The following CNNM1 variants were observed in gnomAD, a reference collection of about 807,000 sequenced individuals.
CNNM1 encodes the protein cyclin and CBS domain divalent metal cation transport mediator 1.
A neutral mutation model predicts 78.8 loss-of-function variants in CNNM1; 44 were observed. The ratio of observed to expected loss-of-function variants is 0.56; its 90% CI spans 0.44 to 0.72. The LOEUF is 0.72. Ranked by LOEUF, CNNM1 falls within the 30% of genes least tolerant of loss-of-function variation. CNNM1 has a pLI of 0.00. For missense variants in CNNM1, 1,101 were observed against 1,292.2 expected (o/e 0.85, Z 2.27); for synonymous variants, 584 against 581.5 (o/e 1.00, Z -0.06).
chr10:99,331,438 T>A (rs1411846396), intron 1 of CNNM1, among the ~76,000 whole-genome samples: 1 of 152,218 alleles, frequency 6.6e-6, no homozygotes, highest in Non-Finnish European at 1.5e-5. Context: ...TGTTTCCTCA[T>A]ATAGAGCAGA....
chr10:99,370,464 C>T (rs2031762352), intron 6 of CNNM1, among the ~76,000 whole-genome samples: 1 of 152,198 alleles, frequency 6.6e-6, no homozygotes. Flanking sequence ...TAGAGCTAAT[C>T]ACTGTGCCTT....
chr10:99,346,185 C>T (rs994060459), intron 1 of CNNM1, among the ~76,000 whole-genome samples: 2 of 152,084 alleles, frequency 1.3e-5, no homozygotes, highest in African/African-American at 2.4e-5. Flanking sequence ...TGCAGTATTT[C>T]GGGGATCGTT....
Position 99,386,924 on chromosome 10 carries a change from G to A in CNNM1, c.2341-896G>A, listed in dbSNP as rs114543463. On this transcript the variant is annotated intron_variant, in intron 7 of 10. Transcript: ENST00000356713. ...GTGAAGGAGGGATGAAAACGCTTTA[G>A]GAGATGGTATGATTGGGAAGGATAT... is the stretch of plus-strand genomic sequence containing the variant. Among the ~76,000 whole-genome samples the A allele has an allele frequency of 9.7e-3, 1,476 of 152,298 alleles. 24 individuals carry two copies. The highest frequency in any genetic ancestry group is 0.033 in the African/African-American group (1,379 of 41,542).
At chr10:99,378,990 T>C (rs1438238869) in intron 7 of CNNM1, among the ~76,000 whole-genome samples, 1 of 152,238 alleles carries the variant, frequency 6.6e-6, no homozygotes, top group Non-Finnish European at 1.5e-5. Context: ...TAGAAAATCA[T>C]AGCCCACGAT....
At chr10:99,374,176 C>T (rs945563156) in intron 6 of CNNM1, among the ~76,000 whole-genome samples, 3 of 152,142 alleles carry the variant, frequency 2.0e-5, no homozygotes, top group African/African-American at 4.8e-5. Flanking sequence ...TGAAATGTAC[C>T]TTTTTCTGCC....
intron 7 of CNNM1, among the ~76,000 whole-genome samples, chr10:99,385,280 CCTCCT>C (rs2032275498): frequency 6.6e-6 from 1 of 152,174 alleles, no homozygotes; most frequent in South Asian, 2.1e-4. Context: ...CTTCTCTCTT[CCTCCT>C]CTCCTTTCTT....
intron 4 of CNNM1, among the ~76,000 whole-genome samples, chr10:99,363,295 C>T (rs1589905902): frequency 6.6e-6 from 1 of 152,284 alleles, no homozygotes; most frequent in South Asian, 2.1e-4. Flanking sequence ...ACAAAATGAC[C>T]TCTCTTCTCC....
At chr10:99,358,584 G>A (rs1437309085) in intron 2 of CNNM1, among the ~76,000 whole-genome samples, 5 of 152,176 alleles carry the variant, frequency 3.3e-5, no homozygotes, top group African/African-American at 1.2e-4. Flanking sequence ...AGTGCAGAAA[G>A]AGTGCCTTCC....
At chr10:99,388,429 T>C (rs1437174942) in intron 9 of CNNM1, 128 bp downstream of exon 9, 1 of 1,028,578 alleles carries the variant, frequency 9.7e-7, no homozygotes, top group East Asian at 2.6e-5. Context: ...TCCGACCTCC[T>C]TACACAGCCA....
intron 1 of CNNM1, among the ~76,000 whole-genome samples, chr10:99,351,004 G>A (rs528646234): frequency 2.0e-5 from 3 of 152,292 alleles, no homozygotes; most frequent in Middle Eastern, 3.4e-3. Flanking sequence ...CCCCTGGGGG[G>A]CAAAATCACC....
At chr10:99,389,513 C>T (rs1002879174) in intron 9 of CNNM1, among the ~76,000 whole-genome samples, 2 of 151,812 alleles carry the variant, frequency 1.3e-5, no homozygotes, top group Non-Finnish European at 2.9e-5. Flanking sequence ...AGTCACTGTT[C>T]CAGGACCTGA....
chr10:99,363,463 C>T lies in CNNM1; in HGVS notation c.2029-954C>T, dbSNP rs79663550. Among the ~76,000 whole-genome samples, 177 of 152,234 alleles carry T rather than the reference C, an allele frequency of 1.2e-3. 2 individuals carry two copies. Among genetic ancestry groups the T allele is most frequent in the African/African-American group, 4.1e-3 (170 of 41,522 alleles). On this transcript the variant is annotated intron_variant, in intron 4 of 10. Transcript: ENST00000356713. ...AATAAAATGTAGTAGCAAGAGTGTA[C>T]GCTCAGAAATTTGAAAAATATGGCT...
intron 1 of CNNM1, among the ~76,000 whole-genome samples, chr10:99,351,539 A>C (rs2030947371): frequency 6.6e-6 from 1 of 152,198 alleles, no homozygotes. Flanking sequence ...TAGGAGTTGT[A>C]AATATTCACA....
In CNNM1 at chr10:99,364,429, G is replaced by A. The variant is rs777619103; in HGVS notation, c.2041G>A (p.Val681Met). Residue 681 changes from valine to methionine, a missense_variant, in exon 5 of 11, where the codon GTG (valine) becomes ATG (methionine). Around this residue, in one of 3 missense-constraint regions of CNNM1, gnomAD observed 348 missense variants for 384.5 expected, o/e 0.90. Transcript: ENST00000356713. Reference sequence around the variant, plus strand: ...TTTTTTTTTCCAGGGTAAAGTGGAGGTGGAGGTTGGTAAGGAAGGCCTTCG... The same window carrying A: ...TTTTTTTTTCCAGGGTAAAGTGGAGATGGAGGTTGGTAAGGAAGGCCTTCG... ...FVLLLQGKVE[V>M]EVGKEGLRFE... 6.2e-7 allele frequency: 1 copy of A among 1,611,166 alleles called. No individual in the cohort carries two copies. Among genetic ancestry groups the A allele is most frequent in the Admixed American group, 1.7e-5 (1 of 59,654 alleles).
chr10:99,364,306 A>G, intron 4 of CNNM1, 111 bp from the exon 5 acceptor site: 1 of 714,978 alleles, frequency 1.4e-6, no homozygotes. Flanking sequence ...TGATAAGAAC[A>G]TGGGTCTAGT....
intron 3 of CNNM1, 134 bp from the exon 4 acceptor site, chr10:99,362,093 C>G (rs1777260315): frequency 1.3e-6 from 1 of 757,662 alleles, no homozygotes. Context: ...CTGCAGAAGC[C>G]CTGCCAACCT....
chr10:99,368,927 G>A (rs2031717448), intron 6 of CNNM1, among the ~76,000 whole-genome samples: 1 of 152,224 alleles, frequency 6.6e-6, no homozygotes, highest in South Asian at 2.1e-4. Context: ...AATGGTGGGG[G>A]TGAGGGATAG....
rs1046439990 is a variant in CNNM1 at position 99,393,701 on chromosome 10, C to G, written c.*2185C>G. 6.6e-6 allele frequency: 1 copy of G among 152,096 alleles called. No homozygotes were observed. The highest frequency in any genetic ancestry group is 2.4e-5 in the African/African-American group (1 of 41,378). The allele number at this position is 152,096 out of a possible 1,614,324, so 9.4% of individuals were successfully genotyped here. A position where few individuals can be genotyped will look rare whatever the true frequency, so the allele number is the denominator to read the frequency against. ...CAAGAAGTGGAAGTCCTCAGAAATT[C>G]TCGGCACACCCTAGAGTATTGTACA... On this transcript the variant is annotated 3_prime_UTR_variant, in exon 11 of 11. Coordinates refer to ENST00000356713, the MANE Select transcript of CNNM1 (RefSeq NM_020348.3).
chr10:99,343,355 G>A (rs2030541347), intron 1 of CNNM1, among the ~76,000 whole-genome samples: 2 of 152,216 alleles, frequency 1.3e-5, no homozygotes, highest in Admixed American at 6.5e-5. Context: ...AAGGCGTTAT[G>A]TTTATTTATT....
Sources: gnomAD v4.1 joint callset for allele counts (sites outside exome capture counted in the v4.1 genomes callset) on GRCh38, gnomAD v4.1.1 for gene constraint, gnomAD v4.1.1 regional missense constraint, MANE v1.5 for transcripts, NCBI Gene and HGNC (gene_info 2026-07-23, HGNC 2026-07-21) for gene names.